Variants in PHF20L1 observed in about 807,000 individuals in gnomAD.
PHF20L1 encodes PHD finger protein 20-like protein 1.
Under a neutral mutation model 125.5 loss-of-function variants are expected in PHF20L1, and 44 were observed. The ratio of observed to expected loss-of-function variants is 0.35; its 90% CI spans 0.28 to 0.45. The LOEUF (loss-of-function observed/expected upper bound fraction) is 0.45. Among genes scored for constraint, PHF20L1 ranks in the 20% least tolerant of loss-of-function variants. The probability of loss-of-function intolerance (pLI) is 1.00; values close to 1 mark genes in which losing one functional copy is unlikely to be tolerated. For synonymous variants in PHF20L1, 380 were observed against 403.1 expected, an observed-to-expected ratio of 0.94 and a Z score of 0.69; for missense variants, 1,012 against 1,217.2, an observed-to-expected ratio of 0.83 and a Z score of 2.51.
At chr8:132,788,662 A>C (rs1042329906) in intron 2 of PHF20L1, 2 of 152,100 alleles carry the variant, frequency 1.3e-5, no homozygotes, top group Non-Finnish European at 1.5e-5. Context: ...AAGATAAATC[A>C]GAATGAATTC....
chr8:132,787,494 G>T (rs930489287), intron 2 of PHF20L1, among the ~76,000 whole-genome samples: 1 of 152,012 alleles, frequency 6.6e-6, no homozygotes, highest in South Asian at 2.1e-4. Flanking sequence ...ATGTGATGAG[G>T]TTCTTAAACT....
chr8:132,812,214 C>T (rs1406906744), intron 9 of PHF20L1: 4 of 977,762 alleles, frequency 4.1e-6, no homozygotes, highest in African/African-American at 1.7e-5. Flanking sequence ...CTATATTCAA[C>T]GTCCCAGATA....
In PHF20L1 at chr8:132,814,863, T is replaced by G; in HGVS notation, c.1157T>G (p.Leu386Arg). Residue 386 changes from leucine (L) to arginine (R), a missense_variant, in exon 10 of 21, where the codon CTT (leucine) becomes CGT (arginine). Physicochemically the swap from Leu to Arg is moderately radical, Grantham distance 102. This residue lies in a region of PHF20L1 where 119 missense variants were observed against 160.2 expected (regional missense o/e 0.74). Transcript: ENST00000395386. ...QVEDLTLVSQLSSSVINKTSP... is the reference protein window; with the variant it reads ...QVEDLTLVSQRSSSVINKTSP... ...GAGGATTTGACGCTTGTATCTCAGC[T>G]TTCTTCTTCAGTGATAAATAAAACT... 10 of 1,607,676 alleles carry G rather than the reference T, an allele frequency of 6.2e-6. No homozygotes were observed. Among genetic ancestry groups the G allele is most frequent in the Non-Finnish European group, 8.5e-6 (10 of 1,175,168 alleles).
intron 8 of PHF20L1, chr8:132,810,613 T>G (rs557793440): frequency 6.4e-6 from 1 of 156,310 alleles, no homozygotes; most frequent in South Asian, 1.9e-4. Flanking sequence ...TTTTAGTTAC[T>G]AAAACAACAG....
Position 132,804,435 on chromosome 8 carries a change from A to T in PHF20L1, c.722-180A>T. On this transcript the variant is annotated intron_variant, in intron 7 of 20. Transcript: ENST00000395386. ...GCTTTTCTTTAAGAATAACTGCTTT[A>T]GTAGTCTTTTATTTCTAATATATTA... 3 of 461,402 alleles carry T rather than the reference A, an allele frequency of 6.5e-6. No homozygotes were observed. The South Asian group carries it at 1.4e-4, about 21-fold the overall frequency. 28.6% of individuals were successfully genotyped at this position (461,402 alleles called of 1,614,324 possible).
chr8:132,830,974 A>C (rs952566389), intron 14 of PHF20L1, among the ~76,000 whole-genome samples: 3 of 152,026 alleles, frequency 2.0e-5, no homozygotes, highest in African/African-American at 7.2e-5. Flanking sequence ...CCTCCAGTCT[A>C]TAACAGCACT....
At chr8:132,832,436 C>T (rs558297639) in intron 15 of PHF20L1, 37 bp downstream of exon 15, 2 of 1,472,582 alleles carry the variant, frequency 1.4e-6, no homozygotes, top group Non-Finnish European at 1.9e-6. Context: ...ACAAGACTTA[C>T]AATTCCTAAA....
intron 8 of PHF20L1, chr8:132,809,653 G>A (rs559462563): frequency 3.3e-5 from 5 of 152,196 alleles, no homozygotes; most frequent in Admixed American, 1.3e-4. Flanking sequence ...TATAATTGCT[G>A]TAGTCAGTTT....
At chr8:132,804,121 T>C (rs1833409503) in intron 7 of PHF20L1, 89 bp downstream of exon 7, 1 of 859,022 alleles carries the variant, frequency 1.2e-6, no homozygotes, top group Admixed American at 2.4e-5. Context: ...TGATTTTGAA[T>C]GTATAATTAA....
intron 4 of PHF20L1, among the ~76,000 whole-genome samples, chr8:132,797,071 C>T (rs1175848777): frequency 6.6e-6 from 1 of 151,912 alleles, no homozygotes; most frequent in Non-Finnish European, 1.5e-5. Context: ...TTCAGCTTAC[C>T]TTAGTGGAAG....
At chr8:132,803,131 A>T (rs963356896) in intron 6 of PHF20L1, among the ~76,000 whole-genome samples, 4 of 151,788 alleles carry the variant, frequency 2.6e-5, no homozygotes, top group African/African-American at 9.7e-5. Context: ...CCTCAGAAGA[A>T]TGGTACCAAA....
At chr8:132,833,662 G>T (rs1356067813) in intron 15 of PHF20L1, among the ~76,000 whole-genome samples, 1 of 152,082 alleles carries the variant, frequency 6.6e-6, no homozygotes, top group Non-Finnish European at 1.5e-5. Flanking sequence ...AAGATCTGAA[G>T]ATTATCTCTT....
chr8:132,804,328 G>C (rs1833433038), intron 7 of PHF20L1, among the ~76,000 whole-genome samples: 1 of 151,230 alleles, frequency 6.6e-6, no homozygotes, highest in Admixed American at 6.6e-5. Flanking sequence ...CTTTTGTTTT[G>C]TGTTTTTTCT....
In PHF20L1 at chr8:132,816,949, T is replaced by G; in HGVS notation, c.1245T>G (p.Ser415=). 3.1e-6 allele frequency: 5 copies of G among 1,612,462 alleles called. No homozygotes were observed. Among genetic ancestry groups the G allele is most frequent in the Non-Finnish European group, 4.2e-6 (5 of 1,178,922 alleles). The change falls in exon 11 of 21, where the codon TCT becomes TCG. Residue 415 remains serine, a synonymous_variant. Coordinates refer to ENST00000395386, the MANE Select transcript of PHF20L1 (RefSeq NM_016018.5). ...AGCATAGTGAGCGGAGAAGAAGATC[T>G]CAGCGTTTAGCCACCTTACCCATGC... ...PFKHSERRRR[S]QRLATLPMPD...
chr8:132,834,155 C>G (rs1372132984), intron 15 of PHF20L1, among the ~76,000 whole-genome samples: 1 of 152,020 alleles, frequency 6.6e-6, no homozygotes. Flanking sequence ...GCTCTGTCAT[C>G]CATTTTACTC....
Position 132,799,150 on chromosome 8 carries a change from G to A in PHF20L1, c.485G>A (p.Cys162Tyr). The A allele has an allele frequency of 6.2e-7, 1 of 1,608,866 alleles. No individual in the cohort carries two copies. Reference protein sequence around the residue: ...WCCPIDPAGSCNQSMGSEDWI... With the variant: ...WCCPIDPAGSYNQSMGSEDWI... ...TGTCCTATCGACCCAGCTGGATCGT[G>A]TAACCAGTCTATGGGAAGTGAGGTA... Residue 162 changes from cysteine to tyrosine, a missense_variant, in exon 6 of 21, where the codon TGT (cysteine) becomes TAT (tyrosine). By Grantham distance (194) the Cys-to-Tyr change is radical. Coordinates refer to ENST00000395386, the MANE Select transcript of PHF20L1 (RefSeq NM_016018.5).
intron 4 of PHF20L1, among the ~76,000 whole-genome samples, chr8:132,797,282 G>A (rs1586900607): frequency 6.6e-6 from 1 of 151,942 alleles, no homozygotes. Flanking sequence ...CAGTGTAAGA[G>A]CAAAACAAAA....
chr8:132,807,557 T>C (rs1833875501), intron 8 of PHF20L1: 1 of 354,386 alleles, frequency 2.8e-6, no homozygotes, highest in Admixed American at 3.9e-5. Flanking sequence ...AGTATGTTAT[T>C]GATAATAATA....
At chr8:132,783,255 A>C (rs991106528) in intron 2 of PHF20L1, among the ~76,000 whole-genome samples, 7 of 152,208 alleles carry the variant, frequency 4.6e-5, no homozygotes, top group African/African-American at 1.2e-4. Flanking sequence ...AAAAATGTGG[A>C]GATATCTCCA....
Sources: allele counts gnomAD v4.1 joint callset (sites outside exome capture counted in the v4.1 genomes callset), GRCh38; gene constraint gnomAD v4.1.1; regional missense constraint gnomAD v4.1.1; transcripts MANE v1.5; gene names NCBI Gene and HGNC (gene_info 2026-07-23, HGNC 2026-07-21).